The following TARBP1 variants were observed in gnomAD, a reference collection of about 807,000 sequenced individuals.
TARBP1 encodes the protein tRNA guanosine 2 -O-methyltransferase TARBP1.
In TARBP1, 144 loss-of-function variants were observed where a neutral mutation model predicts 178.6. The ratio of observed to expected loss-of-function variants is 0.81; its 90% CI spans 0.70 to 0.93. The LOEUF is 0.93. Among genes scored for constraint, TARBP1 ranks in the 40% least tolerant of loss-of-function variants. The probability of loss-of-function intolerance (pLI) is 0.00; values close to 1 mark genes in which losing one functional copy is unlikely to be tolerated. For missense variants in TARBP1, 2,067 were observed against 2,011.7 expected, an observed-to-expected ratio of 1.03 and a Z score of -0.53; for synonymous variants, 787 against 781.0, an observed-to-expected ratio of 1.01 and a Z score of -0.13.
At position 234,392,425 on chromosome 1, in the gene TARBP1, A is replaced by G; in HGVS notation, c.4688T>C (p.Leu1563Pro). ...ACAAGAAGCTTCTTACCCCAACAAG[A>G]GCAGAGATTTCTCAGGAAAGCAATA... Reference protein sequence around the residue: ...TQYCFPEKSLLLLGNEREGIP... With the variant: ...TQYCFPEKSLPLLGNEREGIP... Residue 1563 changes from leucine to proline, a missense_variant, in exon 29 of 30, where the codon CTC becomes CCC. Leu to Pro is a moderately conservative substitution (Grantham distance 98). Transcript: ENST00000040877. 6.2e-7 allele frequency: 1 copy of G among 1,614,042 alleles called. No homozygotes were observed. The highest frequency in any genetic ancestry group is 1.1e-5 in the South Asian group (1 of 91,054).
chr1:234,413,396 C>T (rs937473547), intron 22 of TARBP1, among the ~76,000 whole-genome samples: 1 of 152,192 alleles, frequency 6.6e-6, no homozygotes, highest in Non-Finnish European at 1.5e-5. Flanking sequence ...ATCGCTTGAA[C>T]CCGGGAGGCA....
chr1:234,465,795 CACAGGCTT>C (rs925464292), intron 4 of TARBP1, 87 bp from the exon 5 acceptor site: 55 of 1,243,344 alleles, frequency 4.4e-5, no homozygotes, highest in Non-Finnish European at 5.7e-5. Context: ...GAACATCCTA[CACAGGCTT>C]ACAGAAGACC....
chr1:234,463,228 A>G (rs1287581017), intron 6 of TARBP1, among the ~76,000 whole-genome samples: 1 of 152,062 alleles, frequency 6.6e-6, no homozygotes, highest in East Asian at 1.9e-4. Flanking sequence ...GGTTCAAGTG[A>G]TTCTCCTGCC....
chr1:234,438,710 G>A (rs1219746565), intron 12 of TARBP1, among the ~76,000 whole-genome samples: 1 of 152,162 alleles, frequency 6.6e-6, no homozygotes, highest in Non-Finnish European at 1.5e-5. Context: ...AGACAGTGGG[G>A]CTGAAGAAGT....
chr1:234,400,561 C>T (rs1660577776), intron 25 of TARBP1, among the ~76,000 whole-genome samples: 1 of 152,038 alleles, frequency 6.6e-6, no homozygotes, highest in Non-Finnish European at 1.5e-5. Context: ...AGCCCTAGGT[C>T]AGTGATTTAA....
In TARBP1 at chr1:234,410,517, A is replaced by C; in HGVS notation, c.3720T>G (p.Leu1240=). ...CTAAAAACGTACAAATGCTTGTTTT[A>C]AGATTTTCTTCACCCTGAAAAAATA... The part of the protein sequence containing the change: ...WDCFSYGEEN[L]KTSICTFLAV... The change falls in exon 23 of 30, where the codon CTT becomes CTG. Residue 1240 remains leucine (L), a synonymous_variant. Coordinates refer to ENST00000040877, the MANE Select transcript of TARBP1 (RefSeq NM_005646.4). The C allele has an allele frequency of 6.6e-7, 1 of 1,511,096 alleles. No homozygotes were observed. Among genetic ancestry groups the C allele is most frequent in the Non-Finnish European group, 9.1e-7 (1 of 1,097,826 alleles). The allele number at this position is 1,511,096 out of a possible 1,614,324, so 93.6% of individuals were successfully genotyped here.
intron 11 of TARBP1, among the ~76,000 whole-genome samples, chr1:234,447,345 CAAAA>C (rs34101720): frequency 0.029 from 2,890 of 100,334 alleles, 48 homozygotes; most frequent in South Asian, 0.088. Flanking sequence ...TTTAAAAATC[CAAAA>C]AAAAAAAAAA....
At chr1:234,417,452 T>C (rs1662554672) in intron 22 of TARBP1, among the ~76,000 whole-genome samples, 3 of 152,220 alleles carry the variant, frequency 2.0e-5, no homozygotes, top group Non-Finnish European at 4.4e-5. Flanking sequence ...GATCATCTAT[T>C]ATGAAAGGGA....
chr1:234,451,474 G>A lies in TARBP1; in HGVS notation c.1723-908C>T, dbSNP rs571081250. 5.8e-5 allele frequency among the ~76,000 whole-genome samples: 2 copies of A among 34,444 alleles called. 1 individual carries two copies. The highest frequency in any genetic ancestry group is 1.4e-3 in the South Asian group (2 of 1,432). The allele number at this position is 34,444 out of a possible 152,430, so 22.6% of individuals were successfully genotyped here. A position where few individuals can be genotyped will look rare whatever the true frequency, so the allele number is the denominator to read the frequency against. ...GATAAAACTGATGAATGGGCCGGGC[G>A]CGGTGGCTCACGCCTGTAATCCCAG... On this transcript the variant is annotated intron_variant, in intron 9 of 29. Transcript: ENST00000040877.
chr1:234,463,801 A>G lies in TARBP1; in HGVS notation c.1399+36T>C, dbSNP rs1403529434. ...CTAAAAAAAAAAGAAACTGTAAGCTAAAGCATTTTTAAAAAAACCCTTTAC... is the reference window on the plus strand; with the variant it reads ...CTAAAAAAAAAAGAAACTGTAAGCTGAAGCATTTTTAAAAAAACCCTTTAC... On this transcript the variant is annotated intron_variant, in intron 6 of 29. Transcript: ENST00000040877. The G allele has an allele frequency of 3.1e-6, 4 of 1,289,950 alleles. No homozygotes were observed. In the Admixed American group the frequency reaches 8.9e-5, roughly 29 times the overall value. The allele number at this position is 1,289,950 out of a possible 1,614,324, so 79.9% of individuals were successfully genotyped here.
At chr1:234,452,563 A>C (rs573809321) in intron 9 of TARBP1, among the ~76,000 whole-genome samples, 3 of 152,328 alleles carry the variant, frequency 2.0e-5, no homozygotes, top group South Asian at 4.1e-4. Flanking sequence ...AACGCTGACA[A>C]ACCAAATGCT....
chr1:234,449,697 C>T (rs956993590), intron 10 of TARBP1, among the ~76,000 whole-genome samples: 5 of 152,158 alleles, frequency 3.3e-5, no homozygotes, highest in African/African-American at 1.2e-4. Flanking sequence ...CATTTAAGAC[C>T]TATTCCATGG....
At chr1:234,395,319 T>C (rs967436634) in intron 26 of TARBP1, among the ~76,000 whole-genome samples, 1 of 152,082 alleles carries the variant, frequency 6.6e-6, no homozygotes, top group East Asian at 1.9e-4. Context: ...TTTAGAAAAA[T>C]CTCTTTTAAT....
In TARBP1 at chr1:234,479,066, C is replaced by G. The variant is rs1048349995; in HGVS notation, c.38G>C (p.Ser13Thr). 5.8e-6 allele frequency: 9 copies of G among 1,539,968 alleles called. No individual in the cohort carries two copies. The highest frequency in any genetic ancestry group is 4.3e-5 in the African/African-American group (3 of 70,116). The stretch of plus-strand genomic sequence containing the variant: ...CCCAAGCAGGGCCCGGGGGTCCCGG[C>G]TCTGCGAGAGCAGCGCTTCCGCGAG... ...WVLAEALLSQ[S>T]RDPRALLGAL... Residue 13 changes from serine to threonine, a missense_variant, in exon 1 of 30, where the codon AGC becomes ACC. By Grantham distance (58) the Ser-to-Thr change is moderately conservative. Transcript: ENST00000040877.
At chr1:234,439,547 C>T (rs1387289939) in intron 12 of TARBP1, among the ~76,000 whole-genome samples, 1 of 151,994 alleles carries the variant, frequency 6.6e-6, no homozygotes, top group Non-Finnish European at 1.5e-5. Context: ...AAACAAAGGC[C>T]CAGTGTGGTG....
At chr1:234,392,096 G>A (rs565273155) in intron 29 of TARBP1, among the ~76,000 whole-genome samples, 8 of 152,312 alleles carry the variant, frequency 5.3e-5, no homozygotes, top group East Asian at 1.9e-4. Flanking sequence ...AGCCAGGCAC[G>A]GTGGCTCACG....
intron 21 of TARBP1, among the ~76,000 whole-genome samples, chr1:234,418,693 G>A (rs1323773369): frequency 3.3e-5 from 5 of 152,290 alleles, no homozygotes; most frequent in South Asian, 2.1e-4. Context: ...CAGGCTCGTC[G>A]TCCTCCTGCC....
At position 234,460,268 on chromosome 1, in the gene TARBP1, C is replaced by CAA; in HGVS notation, c.1526_1527dup (p.Ala510LeufsTer11). The CAA allele has an allele frequency of 6.2e-7, 1 of 1,612,930 alleles. No individual in the cohort carries two copies. Among genetic ancestry groups the CAA allele is most frequent in the South Asian group, 1.1e-5 (1 of 90,662 alleles). ...ATATACAGAGTAAATTACCTGAGAG[C>CAA]AAGAAGCCCATCTATACCCAGGGCC... On this transcript the variant is annotated frameshift_variant, in exon 7 of 30. Transcript: ENST00000040877. LOFTEE classifies it high-confidence loss of function.
chr1:234,445,321 C>T (rs998848619), intron 12 of TARBP1, among the ~76,000 whole-genome samples: 1 of 152,194 alleles, frequency 6.6e-6, no homozygotes, highest in Admixed American at 6.5e-5. Context: ...TCTCTGTCTA[C>T]ACTTGCTCCC....
Sources: gnomAD v4.1 joint callset for allele counts (sites outside exome capture counted in the v4.1 genomes callset) on GRCh38, gnomAD v4.1.1 for gene constraint, MANE v1.5 for transcripts, NCBI Gene and HGNC (gene_info 2026-07-23, HGNC 2026-07-21) for gene names.